Variants in CLASP2 observed in about 807,000 individuals in gnomAD.
CLASP2 encodes the protein cytoplasmic linker associated protein 2, also known as CLIP-associating protein 2.
Under a neutral mutation model 194.4 loss-of-function variants are expected in CLASP2, and 47 were observed. That is an observed-to-expected ratio of 0.24 (90% CI 0.19 to 0.31). The LOEUF (loss-of-function observed/expected upper bound fraction) is 0.31, where lower values mean the gene tolerates loss of function less well. CLASP2 is among the 10% of genes least tolerant of loss of function. The pLI is 1.00. For synonymous variants in CLASP2, 619 were observed against 633.5 expected, an observed-to-expected ratio of 0.98 and a Z score of 0.34; for missense variants, 1,445 against 1,823.6, an observed-to-expected ratio of 0.79 and a Z score of 3.78.
At chr3:33,530,523 G>A (rs2056025210) in intron 34 of CLASP2, among the ~76,000 whole-genome samples, 1 of 152,080 alleles carries the variant, frequency 6.6e-6, no homozygotes, top group Non-Finnish European at 1.5e-5. Flanking sequence ...GTTTATTAAG[G>A]ATATTAAGTA....
At chr3:33,669,652 A>C (rs1027014298) in intron 6 of CLASP2, among the ~76,000 whole-genome samples, 1 of 152,168 alleles carries the variant, frequency 6.6e-6, no homozygotes, top group Non-Finnish European at 1.5e-5. Flanking sequence ...AATGGCTGAT[A>C]AACAGATTAA....
intron 1 of CLASP2, among the ~76,000 whole-genome samples, chr3:33,712,693 T>A (rs2093073343): frequency 6.6e-6 from 1 of 152,088 alleles, no homozygotes; most frequent in Admixed American, 6.5e-5. Flanking sequence ...CCGGGCACGG[T>A]GGTTCACGCC....
At chr3:33,640,858 G>A (rs1292858417) in intron 8 of CLASP2, among the ~76,000 whole-genome samples, 1 of 152,018 alleles carries the variant, frequency 6.6e-6, no homozygotes, top group African/African-American at 2.4e-5. Context: ...TATTCCAAAT[G>A]CTCTATTTTG....
rs774887616 is a variant in CLASP2 at position 33,535,225 on chromosome 3, G to A, written c.3787+8C>T. 1.4e-5 allele frequency: 22 copies of A among 1,601,596 alleles called. No individual in the cohort carries two copies. The highest frequency in any genetic ancestry group is 1.9e-5 in the Non-Finnish European group (22 of 1,168,872). On this transcript the variant is annotated splice_region_variant and intron_variant, in intron 34 of 38. Transcript: ENST00000682230. ...AAACAGACAGTAGCAGTGTGACCCAGAACATACCGTCAGGAAACTGGTCAG... is the reference window on the plus strand; with the variant it reads ...AAACAGACAGTAGCAGTGTGACCCAAAACATACCGTCAGGAAACTGGTCAG...
At chr3:33,594,596 G>A (rs74554035) in intron 20 of CLASP2, among the ~76,000 whole-genome samples, 3 of 150,822 alleles carry the variant, frequency 2.0e-5, no homozygotes, top group South Asian at 2.1e-4. Flanking sequence ...TAAATGAATT[G>A]GCATAAATAA....
chr3:33,526,058 C>T (rs1318820038), intron 34 of CLASP2, among the ~76,000 whole-genome samples: 4 of 151,686 alleles, frequency 2.6e-5, no homozygotes, highest in Non-Finnish European at 5.9e-5. Context: ...AAAGCGTGGG[C>T]AGGCTGCTGC....
chr3:33,640,401 A>T (rs1466960602), intron 8 of CLASP2, among the ~76,000 whole-genome samples: 2 of 152,202 alleles, frequency 1.3e-5, no homozygotes, highest in Admixed American at 1.3e-4. Context: ...TATCATAAAG[A>T]TTAGTAAGTA....
At chr3:33,655,592 T>G (rs917020899) in intron 7 of CLASP2, among the ~76,000 whole-genome samples, 1 of 152,202 alleles carries the variant, frequency 6.6e-6, no homozygotes, top group East Asian at 1.9e-4. Flanking sequence ...TTAGCCTTCT[T>G]GCCAGTAAGT....
intron 21 of CLASP2, among the ~76,000 whole-genome samples, chr3:33,591,722 C>T (rs1405730006): frequency 6.6e-6 from 1 of 152,142 alleles, no homozygotes; most frequent in Non-Finnish European, 1.5e-5. Context: ...AATAATCATG[C>T]TTATGACAAA....
chr3:33,673,221 C>T (rs1467550891), intron 6 of CLASP2, among the ~76,000 whole-genome samples: 3 of 152,110 alleles, frequency 2.0e-5, no homozygotes, highest in Non-Finnish European at 2.9e-5. Flanking sequence ...TAAGGGAAGC[C>T]CAACAGACTA....
rs532471156 is a variant in CLASP2 at position 33,650,362 on chromosome 3, A to T, written c.716-5459T>A. Among the ~76,000 whole-genome samples the T allele has an allele frequency of 5.9e-5, 9 of 152,368 alleles. No homozygotes were observed. In the South Asian group the frequency reaches 1.7e-3, roughly 28 times the overall value. On this transcript the variant is annotated intron_variant, in intron 7 of 38. Coordinates refer to ENST00000682230, the MANE Select transcript of CLASP2 (RefSeq NM_001365631.1). ...ATAAACAAAAGAAGAATTAAACACA[A>T]AAAGCAAATTACAAATTACAACTGT...
At chr3:33,668,536 GAAC>G in intron 6 of CLASP2, among the ~76,000 whole-genome samples, 2 of 152,268 alleles carry the variant, frequency 1.3e-5, no homozygotes, top group Admixed American at 1.3e-4. Context: ...GGAAATAGTG[GAAC>G]AATAGTCTGA....
rs1408557839 is a variant in CLASP2, at chr3:33,557,096, C to T, written c.3009+2211G>A. Among the ~76,000 whole-genome samples, 6 of 151,860 alleles carry T rather than the reference C, an allele frequency of 4.0e-5. No homozygotes were observed. In the South Asian group the frequency reaches 1.3e-3, roughly 32 times the overall value. On this transcript the variant is annotated intron_variant, in intron 29 of 38. Coordinates refer to ENST00000682230, the MANE Select transcript of CLASP2 (RefSeq NM_001365631.1). ...TCAAGTGATTCTCCTGCCTCAGCCT[C>T]CCGAGTAGCTGGGACTACAGGTGCC...
chr3:33,675,006 G>C (rs1283266673), intron 6 of CLASP2, among the ~76,000 whole-genome samples: 1 of 152,084 alleles, frequency 6.6e-6, no homozygotes, highest in Non-Finnish European at 1.5e-5. Flanking sequence ...TCTACCAGAG[G>C]TACAAGGAGG....
chr3:33,562,557 G>A (rs771935779), intron 27 of CLASP2, among the ~76,000 whole-genome samples: 1 of 152,034 alleles, frequency 6.6e-6, no homozygotes, highest in Admixed American at 6.6e-5. Flanking sequence ...AATCTACCAC[G>A]GGATAGGAGT....
At position 33,581,880 on chromosome 3, in the gene CLASP2, C is replaced by T; in HGVS notation, c.2288G>A (p.Arg763Gln). The T allele has an allele frequency of 5.6e-6, 9 of 1,613,726 alleles. No individual in the cohort carries two copies. The highest frequency in any genetic ancestry group is 1.6e-4 in the Middle Eastern group (1 of 6,062). Residue 763 changes from arginine to glutamine, a missense_variant, in exon 23 of 39, where the codon CGG becomes CAG. Arg to Gln is a conservative substitution (Grantham distance 43, BLOSUM62 1). Coordinates refer to ENST00000682230, the MANE Select transcript of CLASP2 (RefSeq NM_001365631.1). ...TCTGCTGCTCTCCCGACTAGCTTCC[C>T]GGCTGCATCCTTGACTCACACTTGG... ...PRPSVSQGCS[R>Q]EASRESSRDT...
chr3:33,627,639 A>T (rs1450313325), intron 9 of CLASP2, among the ~76,000 whole-genome samples: 2 of 152,178 alleles, frequency 1.3e-5, no homozygotes, highest in Non-Finnish European at 2.9e-5. Context: ...AACTATGGTT[A>T]GCCAAAATAG....
At chr3:33,676,580 G>C (rs1259760471) in intron 6 of CLASP2, among the ~76,000 whole-genome samples, 4 of 151,680 alleles carry the variant, frequency 2.6e-5, no homozygotes, top group South Asian at 2.1e-4. Context: ...TTAAACGTTA[G>C]ACCTAAAACC....
At chr3:33,672,404 C>T (rs1398286192) in intron 6 of CLASP2, among the ~76,000 whole-genome samples, 18 of 152,152 alleles carry the variant, frequency 1.2e-4, no homozygotes, top group Admixed American at 2.6e-4. Flanking sequence ...AGAAGGAAAA[C>T]GAACAAACAG....
Sources: gnomAD v4.1 joint callset for allele counts (sites outside exome capture counted in the v4.1 genomes callset) on GRCh38, gnomAD v4.1.1 for gene constraint, MANE v1.5 for transcripts, NCBI Gene and HGNC (gene_info 2026-07-23, HGNC 2026-07-21) for gene names.